NALCN: variants seen among roughly 807,000 people sequenced by gnomAD.
The protein encoded by NALCN is sodium leak channel NALCN.
NALCN carries 111 observed loss-of-function variants against 225.3 expected under a neutral mutation model. That is an observed-to-expected ratio of 0.49 (90% CI 0.42 to 0.58). The LOEUF (loss-of-function observed/expected upper bound fraction) is 0.58. Ranked by LOEUF, NALCN falls within the 20% of genes least tolerant of loss-of-function variation. NALCN has a pLI of 0.00. For synonymous variants in NALCN, 764 were observed against 769.0 expected (o/e 0.99, Z 0.11); for missense variants, 1,378 against 2,202.4 (o/e 0.63, Z 7.49).
At chr13:101,069,267 G>C (rs1429960328) in intron 37 of NALCN, among the ~76,000 whole-genome samples, 1 of 152,262 alleles carries the variant, frequency 6.6e-6, no homozygotes, top group African/African-American at 2.4e-5. Context: ...TTCAGTTCCA[G>C]ACTGCTGTGA....
At position 101,054,230 on chromosome 13, in the gene NALCN, A is replaced by G. The variant is rs973146885; in HGVS notation, c.*1065T>C. On this transcript the variant is annotated 3_prime_UTR_variant, in exon 44 of 44. Coordinates refer to ENST00000251127, the MANE Select transcript of NALCN (RefSeq NM_052867.4). ...TGACATATAAGGAAAAAAAACAAAA[A>G]CAAAAAACGATTAAGTAAGTTGTGT... 2 of 152,214 alleles carry G rather than the reference A, an allele frequency of 1.3e-5. No individual in the cohort carries two copies. Among genetic ancestry groups the G allele is most frequent in the African/African-American group, 4.8e-5 (2 of 41,450 alleles). 9.4% of individuals were successfully genotyped at this position (152,214 alleles called of 1,614,324 possible). A position where few individuals can be genotyped will look rare whatever the true frequency, so the allele number is the denominator to read the frequency against.
At chr13:101,408,230 G>A (rs1326500377) in intron 1 of NALCN, among the ~76,000 whole-genome samples, 4 of 152,030 alleles carry the variant, frequency 2.6e-5, no homozygotes, top group African/African-American at 7.3e-5. Flanking sequence ...CCTATTCCAC[G>A]TCTAAGTAAT....
intron 7 of NALCN, among the ~76,000 whole-genome samples, chr13:101,331,860 GC>G (rs2139237280): frequency 6.6e-6 from 1 of 152,248 alleles, no homozygotes; most frequent in East Asian, 1.9e-4. Context: ...CTCCACCTCT[GC>G]ACACAGTGAC....
intron 6 of NALCN, among the ~76,000 whole-genome samples, chr13:101,364,369 T>C (rs1286712248): frequency 2.0e-5 from 3 of 152,038 alleles, no homozygotes; most frequent in African/African-American, 7.2e-5. Flanking sequence ...TATGTATATA[T>C]ACACACACAC....
intron 13 of NALCN, among the ~76,000 whole-genome samples, chr13:101,218,944 A>G (rs1018222499): frequency 6.6e-6 from 1 of 152,116 alleles, no homozygotes; most frequent in South Asian, 2.1e-4. Context: ...GTGGGTCTAT[A>G]TCATCTTCCT....
At chr13:101,071,188 C>T (rs1442148523) in intron 37 of NALCN, among the ~76,000 whole-genome samples, 1 of 152,158 alleles carries the variant, frequency 6.6e-6, no homozygotes, top group East Asian at 1.9e-4. Context: ...ATTGCAGGGT[C>T]CTAGGATTTT....
At chr13:101,406,941 C>T (rs902986301) in intron 1 of NALCN, among the ~76,000 whole-genome samples, 1 of 152,102 alleles carries the variant, frequency 6.6e-6, no homozygotes, top group African/African-American at 2.4e-5. Flanking sequence ...TAGTTTTAGT[C>T]TCGTAATTTC....
At chr13:101,399,189 T>C (rs1176327496) in intron 1 of NALCN, 24 bp from the exon 2 acceptor site, 4 of 1,591,674 alleles carry the variant, frequency 2.5e-6, no homozygotes, top group Admixed American at 1.7e-5. Flanking sequence ...AAGTTGTATT[T>C]GTCATCTAAA....
At chr13:101,093,742 A>G (rs1389466837) in intron 28 of NALCN, among the ~76,000 whole-genome samples, 3 of 152,144 alleles carry the variant, frequency 2.0e-5, no homozygotes, top group Admixed American at 2.0e-4. Flanking sequence ...CCCTGTCTGA[A>G]TTCTTGGGGA....
chr13:101,176,495 T>C, intron 14 of NALCN, 121 bp from the exon 15 acceptor site: 1 of 542,450 alleles, frequency 1.8e-6, no homozygotes. Flanking sequence ...AAAATAAACA[T>C]GCAGTGATGA....
chr13:101,374,262 A>G (rs994450731), intron 6 of NALCN, among the ~76,000 whole-genome samples: 6 of 151,356 alleles, frequency 4.0e-5, no homozygotes, highest in Admixed American at 2.6e-4. Context: ...AACCTAAGGT[A>G]AATTTCTTTC....
chr13:101,343,606 C>A (rs1198561260), intron 7 of NALCN, among the ~76,000 whole-genome samples: 3 of 152,160 alleles, frequency 2.0e-5, no homozygotes. Context: ...CGAAAAGATG[C>A]ACTTCCTGTT....
intron 12 of NALCN, among the ~76,000 whole-genome samples, chr13:101,232,469 G>A (rs1193706726): frequency 7.0e-5 from 10 of 143,100 alleles, no homozygotes; most frequent in East Asian, 2.0e-4. Context: ...TTTTTGTGAC[G>A]GAGTCTCACT....
chr13:101,094,313 C>A (rs1022632559), intron 28 of NALCN, among the ~76,000 whole-genome samples: 4 of 152,244 alleles, frequency 2.6e-5, no homozygotes, highest in Non-Finnish European at 4.4e-5. Flanking sequence ...CTGCCCATCT[C>A]TGACGTTAAG....
At chr13:101,157,955 G>A (rs974964422) in intron 15 of NALCN, among the ~76,000 whole-genome samples, 2 of 152,064 alleles carry the variant, frequency 1.3e-5, no homozygotes, top group African/African-American at 4.8e-5. Flanking sequence ...GTTTCACCAC[G>A]TTGGCCAGGC....
At chr13:101,296,739 G>A (rs868009052) in intron 7 of NALCN, among the ~76,000 whole-genome samples, 1 of 152,272 alleles carries the variant, frequency 6.6e-6, no homozygotes, top group Admixed American at 6.5e-5. Flanking sequence ...TCTTGGAATA[G>A]CACTACTTTC....
At chr13:101,231,254 C>T (rs758663554) in intron 12 of NALCN, among the ~76,000 whole-genome samples, 4 of 151,774 alleles carry the variant, frequency 2.6e-5, no homozygotes, top group Admixed American at 6.6e-5. Context: ...TGCATACTCA[C>T]ATTTGCAAAA....
At chr13:101,184,803 T>A (rs1247537861) in intron 14 of NALCN, among the ~76,000 whole-genome samples, 2 of 152,212 alleles carry the variant, frequency 1.3e-5, no homozygotes. Flanking sequence ...TATCCTATTT[T>A]ACATTCTCTC....
chr13:101,411,929 C>G (rs1281835704), intron 1 of NALCN, among the ~76,000 whole-genome samples: 1 of 152,016 alleles, frequency 6.6e-6, no homozygotes, highest in Non-Finnish European at 1.5e-5. Context: ...TTTTTCAGGA[C>G]TACAGATTTT....
Sources: gnomAD v4.1 joint callset for allele counts (sites outside exome capture counted in the v4.1 genomes callset) on GRCh38, gnomAD v4.1.1 for gene constraint, MANE v1.5 for transcripts, NCBI Gene and HGNC (gene_info 2026-07-23, HGNC 2026-07-21) for gene names.